Variants in TCF20 observed in about 807,000 individuals in gnomAD.
TCF20 encodes transcription factor 20.
Under a neutral mutation model 148.6 loss-of-function variants are expected in TCF20, and 3 were observed. The ratio of observed to expected loss-of-function variants is 0.02; its 90% confidence interval spans 0.01 to 0.05. TCF20 has a LOEUF of 0.05. Ranked by LOEUF, TCF20 falls within the 10% of genes least tolerant of loss-of-function variation. The pLI is 1.00. For synonymous variants in TCF20, 1,049 were observed against 909.5 expected (o/e 1.15, Z -2.76); for missense variants, 2,350 against 2,429.3 (o/e 0.97, Z 0.69).
At position 42,299,642 on chromosome 22, in the gene TCF20, C is replaced by A. The variant is rs888434985; in HGVS notation, c.-37+43837G>T. ...GCTCTCCAACCTCTGTACCTCTCCC[C>A]GAACGCAGGCCCCCCTGCCCGCACC... On this transcript the variant is annotated intron_variant, in intron 1 of 1. Transcript: ENST00000515426. The surrounding 1 kb of genome is among the most constrained non-coding windows in gnomAD (Gnocchi z 4.1). Among the ~76,000 whole-genome samples, 1 of 152,208 alleles carries A rather than the reference C, an allele frequency of 6.6e-6. No homozygotes were observed. Among genetic ancestry groups the A allele is most frequent in the South Asian group, 2.1e-4 (1 of 4,836 alleles).
At chr22:42,327,525 G>A (rs997727592) in intron 1 of TCF20, among the ~76,000 whole-genome samples, 1 of 152,184 alleles carries the variant, frequency 6.6e-6, no homozygotes, top group Admixed American at 6.5e-5. Context: ...CATTTCCTGT[G>A]CGGAAGCTTC....
upstream of TCF20, among the ~76,000 whole-genome samples, chr22:42,273,338 C>T (rs909894025): frequency 7.8e-5 from 8 of 102,580 alleles, no homozygotes; most frequent in Non-Finnish European, 1.3e-4. Context: ...CCAGCCTGGG[C>T]GACAAGAGCA....
At chr22:42,298,710 C>T (rs112679357) in intron 1 of TCF20, among the ~76,000 whole-genome samples, 1 of 152,236 alleles carries the variant, frequency 6.6e-6, no homozygotes, top group Non-Finnish European at 1.5e-5. Flanking sequence ...CGCAAGTTTG[C>T]CCTAATTTCA....
At chr22:42,302,789 T>C (rs1927361139) in intron 1 of TCF20, among the ~76,000 whole-genome samples, 1 of 152,172 alleles carries the variant, frequency 6.6e-6, no homozygotes, top group Admixed American at 6.5e-5. Context: ...CCGGAACAAT[T>C]TCTTTACCCA....
chr22:42,264,649 T>C (rs1289185965), intron 1 of TCF20, among the ~76,000 whole-genome samples: 1 of 152,246 alleles, frequency 6.6e-6, no homozygotes, highest in Non-Finnish European at 1.5e-5. Context: ...AGAAAAGGCT[T>C]CAGAACAGGG....
intron 1 of TCF20, among the ~76,000 whole-genome samples, chr22:42,246,457 G>C (rs1924914121): frequency 6.6e-6 from 1 of 152,004 alleles, no homozygotes; most frequent in Non-Finnish European, 1.5e-5. Flanking sequence ...GCTTCAAAAA[G>C]CTTCCTGACC....
At chr22:42,227,443 T>G (rs941976128) in intron 1 of TCF20, among the ~76,000 whole-genome samples, 1 of 152,170 alleles carries the variant, frequency 6.6e-6, no homozygotes, top group Non-Finnish European at 1.5e-5. Context: ...GGCATGAAGC[T>G]CCATTGTTGC....
At chr22:42,316,652 G>A (rs1227343589) in intron 1 of TCF20, among the ~76,000 whole-genome samples, 2 of 98,996 alleles carry the variant, frequency 2.0e-5, no homozygotes, top group Non-Finnish European at 4.0e-5. Flanking sequence ...TGGCCAGGCT[G>A]GTCCTGAACT....
intron 1 of TCF20, among the ~76,000 whole-genome samples, chr22:42,235,985 G>C (rs1178290596): frequency 6.6e-6 from 1 of 152,180 alleles, no homozygotes; most frequent in Non-Finnish European, 1.5e-5. Flanking sequence ...CTTGAGGTCA[G>C]GAGTTCAAGA....
intron 1 of TCF20, among the ~76,000 whole-genome samples, chr22:42,281,748 A>G (rs1252964640): frequency 6.6e-6 from 1 of 152,236 alleles, no homozygotes; most frequent in Non-Finnish European, 1.5e-5. Flanking sequence ...CACACCGTCT[A>G]GGACATGGGG....
chr22:42,326,689 G>A (rs1601708109), intron 1 of TCF20, among the ~76,000 whole-genome samples: 1 of 152,368 alleles, frequency 6.6e-6, no homozygotes, highest in East Asian at 1.9e-4. Flanking sequence ...CTGGGCCTCA[G>A]TTTCCTCATC....
intron 1 of TCF20, among the ~76,000 whole-genome samples, chr22:42,332,117 G>A (rs768700114): frequency 6.6e-6 from 1 of 152,188 alleles, no homozygotes; most frequent in Non-Finnish European, 1.5e-5. Flanking sequence ...TGTCTAGGGC[G>A]AGCAGATGCA....
intron 1 of TCF20, among the ~76,000 whole-genome samples, chr22:42,311,005 A>G (rs1310592779): frequency 6.6e-6 from 1 of 152,192 alleles, no homozygotes; most frequent in Non-Finnish European, 1.5e-5. Context: ...TACGGCCTGG[A>G]GGGAGGAACA....
intron 1 of TCF20, among the ~76,000 whole-genome samples, chr22:42,240,715 C>T (rs141814850): frequency 2.0e-5 from 3 of 152,244 alleles, no homozygotes; most frequent in East Asian, 1.9e-4. Flanking sequence ...CTCAGTAACG[C>T]GCTCCTCACC....
chr22:42,194,609 G>T (rs74909671), intron 2 of TCF20, among the ~76,000 whole-genome samples: 1 of 151,822 alleles, frequency 6.6e-6, no homozygotes, highest in Admixed American at 6.6e-5. Context: ...GGGTGGGGGC[G>T]GGGGTAGCGG....
chr22:42,286,372 G>C (rs1374227449), upstream of TCF20, among the ~76,000 whole-genome samples: 1 of 152,166 alleles, frequency 6.6e-6, no homozygotes, highest in Non-Finnish European at 1.5e-5. Context: ...ACATCAGGCT[G>C]TCTGGTTTTA....
intron 1 of TCF20, among the ~76,000 whole-genome samples, chr22:42,310,431 G>C (rs1457527523): frequency 6.8e-6 from 1 of 146,404 alleles, no homozygotes; most frequent in African/African-American, 2.5e-5. Context: ...CCAGCTCTCT[G>C]GGGGGTTGTG....
At chr22:42,257,043 G>A (rs955072267) in intron 1 of TCF20, among the ~76,000 whole-genome samples, 7 of 152,120 alleles carry the variant, frequency 4.6e-5, no homozygotes, top group Admixed American at 1.3e-4. Flanking sequence ...GCCTGTAGTC[G>A]CAGATACTCA....
intron 5 of TCF20, among the ~76,000 whole-genome samples, chr22:42,161,905 C>T (rs1479877272): frequency 2.6e-5 from 4 of 152,004 alleles, no homozygotes; most frequent in Non-Finnish European, 5.9e-5. Context: ...TCAAGCAATC[C>T]TCCCACCTCA....
Sources: gnomAD v4.1 joint callset for allele counts (sites outside exome capture counted in the v4.1 genomes callset) on GRCh38, gnomAD v4.1.1 for gene constraint, Gnocchi (gnomAD v3.1) non-coding constraint, MANE v1.5 for transcripts, NCBI Gene and HGNC (gene_info 2026-07-23, HGNC 2026-07-21) for gene names.